ARID1B: variants seen among roughly 807,000 people sequenced by gnomAD.
The protein encoded by ARID1B is AT-rich interactive domain-containing protein 1B.
Under a neutral mutation model 212.3 loss-of-function variants are expected in ARID1B, and 30 were observed. That is an observed-to-expected ratio of 0.14 (90% CI 0.11 to 0.19). The LOEUF is 0.19. Among genes scored for constraint, ARID1B ranks in the 10% least tolerant of loss-of-function variants. The pLI, the probability that ARID1B is intolerant of heterozygous loss-of-function variation, is 1.00. For missense variants in ARID1B, 2,891 were observed against 3,204.0 expected (o/e 0.90, Z 2.36); for synonymous variants, 1,402 against 1,301.7 (o/e 1.08, Z -1.66).
chr6:156,993,201 C>T (rs1778370944), intron 4 of ARID1B, among the ~76,000 whole-genome samples: 2 of 152,110 alleles, frequency 1.3e-5, no homozygotes, highest in African/African-American at 4.8e-5. Context: ...GCCATCATGC[C>T]TGGCTAATTT....
At chr6:156,968,954 G>C (rs1165110341) in intron 4 of ARID1B, among the ~76,000 whole-genome samples, 1 of 152,242 alleles carries the variant, frequency 6.6e-6, no homozygotes, top group Non-Finnish European at 1.5e-5. Flanking sequence ...TCTGTGAGTG[G>C]AGCCCAGGTG....
chr6:156,925,673 T>C (rs1200873793), intron 3 of ARID1B, among the ~76,000 whole-genome samples: 1 of 152,218 alleles, frequency 6.6e-6, no homozygotes, highest in East Asian at 1.9e-4. Flanking sequence ...CCTCTGGGAT[T>C]AGTTGCAGTT....
At chr6:157,023,554 T>G (rs555691490) in intron 4 of ARID1B, 1 of 152,346 alleles carries the variant, frequency 6.6e-6, no homozygotes, top group Admixed American at 6.5e-5. Flanking sequence ...TCGTGGCATA[T>G]TCTACTGTTA....
At chr6:156,999,409 AG>A (rs1377049729) in intron 4 of ARID1B, among the ~76,000 whole-genome samples, 1 of 152,234 alleles carries the variant, frequency 6.6e-6, no homozygotes, top group African/African-American at 2.4e-5. Flanking sequence ...GCTCTTCAAA[AG>A]GTTAGAGGAG....
At chr6:157,116,024 G>C (rs950661026) in intron 6 of ARID1B, among the ~76,000 whole-genome samples, 6 of 152,172 alleles carry the variant, frequency 3.9e-5, no homozygotes, top group African/African-American at 1.4e-4. Context: ...AAAATTGTAG[G>C]TGACCAGTTC....
intron 3 of ARID1B, among the ~76,000 whole-genome samples, chr6:156,935,002 T>C (rs993100891): frequency 6.8e-6 from 1 of 146,916 alleles, no homozygotes; most frequent in Non-Finnish European, 1.5e-5. Flanking sequence ...TTTAAAATTT[T>C]TGCTTCTGAT....
At chr6:156,881,323 T>G (rs1787072131) in intron 2 of ARID1B, among the ~76,000 whole-genome samples, 1 of 152,218 alleles carries the variant, frequency 6.6e-6, no homozygotes, top group South Asian at 2.1e-4. Context: ...ATTTTAGATG[T>G]ACCAGATTTG....
intron 4 of ARID1B, among the ~76,000 whole-genome samples, chr6:157,084,388 G>A (rs1784832576): frequency 6.6e-6 from 1 of 152,110 alleles, no homozygotes; most frequent in African/African-American, 2.4e-5. Context: ...AATGGACTCG[G>A]TGCTGACAGC....
At chr6:157,062,226 G>A (rs1012134869) in intron 4 of ARID1B, among the ~76,000 whole-genome samples, 7 of 150,906 alleles carry the variant, frequency 4.6e-5, no homozygotes, top group African/African-American at 1.7e-4. Context: ...TAGAGACAGA[G>A]CCTCCCTCTG....
intron 4 of ARID1B, among the ~76,000 whole-genome samples, chr6:157,056,799 TTTTG>T (rs1260711556): frequency 6.6e-6 from 1 of 152,112 alleles, no homozygotes; most frequent in Non-Finnish European, 1.5e-5. Flanking sequence ...GGCAATTGAA[TTTTG>T]TTTAATTTTT....
At chr6:156,869,405 G>A (rs1478133916) in intron 2 of ARID1B, among the ~76,000 whole-genome samples, 1 of 152,140 alleles carries the variant, frequency 6.6e-6, no homozygotes, top group East Asian at 1.9e-4. Context: ...TGAATTTTTG[G>A]ATGAGAGACA....
chr6:157,197,249 C>G (rs1420237669), intron 16 of ARID1B, among the ~76,000 whole-genome samples: 1 of 152,182 alleles, frequency 6.6e-6, no homozygotes, highest in African/African-American at 2.4e-5. Flanking sequence ...AGGGCTTTTC[C>G]CTCCCCGGAG....
chr6:157,093,654 G>A (rs942489408), intron 5 of ARID1B, among the ~76,000 whole-genome samples: 12 of 152,200 alleles, frequency 7.9e-5, no homozygotes, highest in Admixed American at 7.2e-4. Flanking sequence ...AAAGTGACAT[G>A]GGAGTTTGTA....
At chr6:157,137,515 T>A (rs1437743803) in intron 7 of ARID1B, among the ~76,000 whole-genome samples, 1 of 152,220 alleles carries the variant, frequency 6.6e-6, no homozygotes, top group African/African-American at 2.4e-5. Flanking sequence ...CATAGCCTTT[T>A]TATTTCTTAA....
At chr6:156,954,588 CT>C (rs1793820191) in intron 4 of ARID1B, among the ~76,000 whole-genome samples, 4 of 152,074 alleles carry the variant, frequency 2.6e-5, no homozygotes, top group Non-Finnish European at 4.4e-5. Context: ...GAATTTATTA[CT>C]TTATGAGGTA....
rs2114961096 is a variant in ARID1B at position 156,778,068 on chromosome 6, G to A, written c.388G>A (p.Ala130Thr). ...SSSSSAAAAAASSSSSSGPGS... is the reference protein window; with the variant it reads ...SSSSSAAAAATSSSSSSGPGS... ...CTCCTCCTCCGCGGCGGCAGCGGCGGCATCCTCTTCCTCCTCGTCGGGCCC... is the reference window on the plus strand; with the variant it reads ...CTCCTCCTCCGCGGCGGCAGCGGCGACATCCTCTTCCTCCTCGTCGGGCCC... Residue 130 changes from alanine to threonine, a missense_variant, in exon 1 of 20, where the codon GCA becomes ACA. By Grantham distance (58) the Ala-to-Thr change is moderately conservative. Around this residue, in one of 7 missense-constraint regions of ARID1B, gnomAD observed 1,643 missense variants for 1,544.0 expected, o/e 1.06. Transcript: ENST00000636930. The A allele has an allele frequency of 1.9e-6, 3 of 1,538,744 alleles. No homozygotes were observed. Among genetic ancestry groups the A allele is most frequent in the Non-Finnish European group, 2.6e-6 (3 of 1,146,266 alleles).
In ARID1B at chr6:157,081,398, C is replaced by T. The variant is rs568304101; in HGVS notation, c.2248-3264C>T. Among the ~76,000 whole-genome samples the T allele has an allele frequency of 2.0e-5, 3 of 152,308 alleles. No individual in the cohort carries two copies. The South Asian group carries it at 6.2e-4, about 32-fold the overall frequency. On this transcript the variant is annotated intron_variant, in intron 4 of 19. Transcript: ENST00000636930. ...ACCACTGTTGAACTTCTTTTATTAG[C>T]ATGTTTTAAGATAGCTCTACATACA... is the stretch of plus-strand genomic sequence containing the variant.
chr6:156,890,832 A>C (rs1467564953), intron 2 of ARID1B, among the ~76,000 whole-genome samples: 1 of 152,146 alleles, frequency 6.6e-6, no homozygotes, highest in East Asian at 1.9e-4. Flanking sequence ...TTTGTTGACT[A>C]TTTCTCATTT....
intron 2 of ARID1B, 27 bp downstream of exon 2, chr6:156,829,448 C>T: frequency 6.3e-7 from 1 of 1,594,942 alleles, no homozygotes; most frequent in Non-Finnish European, 8.6e-7. Context: ...CGACCCGCTG[C>T]TTTTTTGTAA....
Sources: gnomAD v4.1 joint callset for allele counts (sites outside exome capture counted in the v4.1 genomes callset) on GRCh38, gnomAD v4.1.1 for gene constraint, gnomAD v4.1.1 regional missense constraint, MANE v1.5 for transcripts, NCBI Gene and HGNC (gene_info 2026-07-23, HGNC 2026-07-21) for gene names.